Variants in TMEM232 observed in about 807,000 individuals in gnomAD.
TMEM232 encodes the protein transmembrane protein 232.
Under a neutral mutation model 78.8 loss-of-function variants are expected in TMEM232, and 80 were observed. The ratio of observed to expected loss-of-function variants is 1.01; its 90% CI spans 0.85 to 1.22. The LOEUF is 1.22. TMEM232 is among the 50% of genes most tolerant of loss of function. The probability of loss-of-function intolerance (pLI) is 0.00; values close to 1 mark genes in which losing one functional copy is unlikely to be tolerated. For missense variants in TMEM232, 881 were observed against 742.2 expected (o/e 1.19, Z -2.17); for synonymous variants, 297 against 254.3 (o/e 1.17, Z -1.60).
intron 2 of TMEM232, chr5:110,397,955 T>C (rs1238176918): frequency 6.6e-6 from 1 of 152,538 alleles, no homozygotes; most frequent in African/African-American, 2.4e-5. Context: ...CAATTCACCA[T>C]AGGAGAGGCT....
At chr5:110,521,817 T>C (rs959003705) in intron 12 of TMEM232, among the ~76,000 whole-genome samples, 3 of 152,212 alleles carry the variant, frequency 2.0e-5, no homozygotes, top group African/African-American at 7.2e-5. Context: ...ATTTAGCCTA[T>C]ACATCTGTCT....
intron 12 of TMEM232, among the ~76,000 whole-genome samples, chr5:110,510,566 C>T (rs1343276417): frequency 6.6e-6 from 1 of 151,984 alleles, no homozygotes; most frequent in Non-Finnish European, 1.5e-5. Flanking sequence ...ACTAACAAAG[C>T]CAACAATGGC....
chr5:110,432,563 G>T (rs776473814), intron 12 of TMEM232, among the ~76,000 whole-genome samples: 13 of 151,548 alleles, frequency 8.6e-5, no homozygotes, highest in African/African-American at 2.9e-4. Context: ...TACAAAGCAA[G>T]TACATAATCG....
chr5:110,587,047 G>A (rs1305801510), intron 10 of TMEM232, among the ~76,000 whole-genome samples: 1 of 152,034 alleles, frequency 6.6e-6, no homozygotes, highest in Non-Finnish European at 1.5e-5. Flanking sequence ...TAATAAAGCA[G>A]TATTAGACAA....
intron 12 of TMEM232, among the ~76,000 whole-genome samples, chr5:110,520,050 TAGAG>T (rs1554097433): frequency 1.4e-4 from 21 of 147,256 alleles, no homozygotes; most frequent in Admixed American, 4.7e-4. Context: ...TATATATATA[TAGAG>T]AGAGAGAGAG....
intron 13 of TMEM232, 37 bp downstream of exon 13, chr5:110,424,786 A>G (rs922053008): frequency 1.0e-5 from 15 of 1,460,990 alleles, no homozygotes; most frequent in Non-Finnish European, 1.4e-5. Context: ...TTAAGGAACA[A>G]AGCTTTTGCT....
At chr5:110,579,005 A>G (rs560483153) in intron 10 of TMEM232, among the ~76,000 whole-genome samples, 3 of 151,936 alleles carry the variant, frequency 2.0e-5, no homozygotes, top group African/African-American at 4.8e-5. Context: ...AGGAGGCCCA[A>G]AAGATCTCAA....
intron 4 of TMEM232, among the ~76,000 whole-genome samples, chr5:110,639,733 A>G (rs1455883386): frequency 1.3e-5 from 2 of 152,212 alleles, no homozygotes; most frequent in Admixed American, 1.3e-4. Flanking sequence ...AATTACCATA[A>G]TTGATTTAGA....
intron 1 of TMEM232, among the ~76,000 whole-genome samples, chr5:110,673,055 A>C (rs1791569593): frequency 6.6e-6 from 1 of 152,154 alleles, no homozygotes; most frequent in Non-Finnish European, 1.5e-5. Context: ...AACCAACCCA[A>C]ATGTCCAACA....
intron 1 of TMEM232, chr5:110,725,907 A>G (rs1798099728): frequency 7.3e-6 from 1 of 137,102 alleles, no homozygotes; most frequent in Admixed American, 7.7e-5. Flanking sequence ...CTCTAACCTG[A>G]GGAAGCAAAT....
chr5:110,646,531 A>G (rs912386544), intron 2 of TMEM232, among the ~76,000 whole-genome samples: 3 of 151,832 alleles, frequency 2.0e-5, no homozygotes, highest in African/African-American at 7.2e-5. Context: ...CTTATCCCAC[A>G]CCATGTTCAA....
intron 2 of TMEM232, among the ~76,000 whole-genome samples, chr5:110,655,804 G>A (rs1425102946): frequency 6.6e-6 from 1 of 150,598 alleles, no homozygotes; most frequent in Non-Finnish European, 1.5e-5. Flanking sequence ...ACTATCGCAA[G>A]GACAAAAAAC....
At chr5:110,489,289 CT>C (rs1764783158) in intron 12 of TMEM232, among the ~76,000 whole-genome samples, 1 of 151,790 alleles carries the variant, frequency 6.6e-6, no homozygotes, top group Non-Finnish European at 1.5e-5. Context: ...CAAACCAAAT[CT>C]GGCAACATAT....
chr5:110,403,513 G>A (rs948283499), intron 2 of TMEM232, among the ~76,000 whole-genome samples: 10 of 151,956 alleles, frequency 6.6e-5, no homozygotes, highest in African/African-American at 2.4e-4. Flanking sequence ...GAGTTGCCAG[G>A]GACCATTCAT....
intron 4 of TMEM232, among the ~76,000 whole-genome samples, chr5:110,640,424 G>C (rs1252019597): frequency 6.6e-6 from 1 of 151,848 alleles, no homozygotes; most frequent in Non-Finnish European, 1.5e-5. Context: ...TTTTAGATTA[G>C]TTAGAGGATG....
Position 110,528,568 on chromosome 5 carries a change from C to T in TMEM232, c.1703+20G>A, listed in dbSNP as rs1561633116. Reference sequence around the variant, plus strand: ...ATTGTAATGTATTAGAACAATAAAACCGATAGTACTTCTCTTTACCTTACA... The same window carrying T: ...ATTGTAATGTATTAGAACAATAAAATCGATAGTACTTCTCTTTACCTTACA... On this transcript the variant is annotated intron_variant, in intron 12 of 13. Coordinates refer to ENST00000455884, the MANE Select transcript of TMEM232 (RefSeq NM_001039763.4). 1 of 1,505,016 alleles carries T rather than the reference C, an allele frequency of 6.6e-7. No individual in the cohort carries two copies. The highest frequency in any genetic ancestry group is 1.4e-5 in the African/African-American group (1 of 71,436). The allele number at this position is 1,505,016 out of a possible 1,614,324, so 93.2% of individuals were successfully genotyped here. A position where few individuals can be genotyped will look rare whatever the true frequency, so the allele number is the denominator to read the frequency against.
rs566825135 is a variant in TMEM232, at chr5:110,522,100, C to T, written c.1703+6488G>A. 7.2e-5 allele frequency among the ~76,000 whole-genome samples: 11 copies of T among 152,156 alleles called. No individual in the cohort carries two copies. In the East Asian group the frequency reaches 2.1e-3, roughly 29 times the overall value. On this transcript the variant is annotated intron_variant, in intron 12 of 13. Coordinates refer to ENST00000455884, the MANE Select transcript of TMEM232 (RefSeq NM_001039763.4). ...TTCATTTATGTATTCTTTATTTCAC[C>T]AAGGTTTTGTAGTTTTCAATCTAGA...
At chr5:110,729,834 T>A (rs1057018156), upstream of TMEM232, among the ~76,000 whole-genome samples, 14 of 152,226 alleles carry the variant, frequency 9.2e-5, no homozygotes, top group Admixed American at 3.3e-4. Context: ...CTGATTATCC[T>A]GTCAAATCTT....
chr5:110,634,790 G>A (rs1203986996), intron 5 of TMEM232, among the ~76,000 whole-genome samples: 2 of 151,888 alleles, frequency 1.3e-5, no homozygotes, highest in African/African-American at 2.4e-5. Flanking sequence ...CAAGGAACTA[G>A]TAAAGCAAGG....
Sources: gnomAD v4.1 joint callset for allele counts (sites outside exome capture counted in the v4.1 genomes callset) on GRCh38, gnomAD v4.1.1 for gene constraint, MANE v1.5 for transcripts, NCBI Gene and HGNC (gene_info 2026-07-23, HGNC 2026-07-21) for gene names.